CNPPD1: variants seen among roughly 807,000 people sequenced by gnomAD.
The protein encoded by CNPPD1 is protein CNPPD1.
Under a neutral mutation model 43.7 loss-of-function variants are expected in CNPPD1, and 40 were observed. The observed-to-expected ratio is 0.92, with a 90% CI of 0.71 to 1.19. The LOEUF (loss-of-function observed/expected upper bound fraction) is 1.19. CNPPD1 is among the 50% of genes most tolerant of loss of function. The pLI is 0.00. For missense variants in CNPPD1, 511 were observed against 518.5 expected, an observed-to-expected ratio of 0.99 and a Z score of 0.14; for synonymous variants, 208 against 214.3, an observed-to-expected ratio of 0.97 and a Z score of 0.26.
rs1950122704 is a variant in CNPPD1 at position 219,174,246 on chromosome 2, T to A, written c.511-39A>T. ...GAGTGGACATCAAACCAGACTTGGA[T>A]GAGCCACAGTCATTTAATAATAAGA... is the stretch of plus-strand genomic sequence containing the variant. On this transcript the variant is annotated intron_variant, in intron 5 of 7. Transcript: ENST00000360507. 6.3e-6 allele frequency: 10 copies of A among 1,593,226 alleles called. No individual in the cohort carries two copies. The African/African-American group carries it at 1.1e-4, about 17-fold the overall frequency.
intron 1 of CNPPD1, 79 bp from the exon 2 acceptor site, chr2:219,176,410 G>T: frequency 8.7e-7 from 1 of 1,145,902 alleles, no homozygotes. Context: ...CTGGAAGGCG[G>T]GGCAGGGGAC....
intron 5 of CNPPD1, 88 bp from the exon 6 acceptor site, chr2:219,174,295 C>T (rs1459765694): frequency 1.5e-6 from 2 of 1,307,716 alleles, no homozygotes; most frequent in East Asian, 4.6e-5. Context: ...CTACAACCGC[C>T]CCTATGGCTA....
rs200976887 is a variant in CNPPD1, at chr2:219,173,131, G to A, written c.691-3C>T. 7.0e-5 allele frequency: 110 copies of A among 1,565,918 alleles called. No individual in the cohort carries two copies. Among genetic ancestry groups the A allele is most frequent in the Middle Eastern group, 1.7e-4 (1 of 5,866 alleles). On this transcript the variant is annotated splice_region_variant and splice_polypyrimidine_tract_variant and intron_variant, in intron 7 of 7. Transcript: ENST00000360507. Reference sequence around the variant, plus strand: ...GCCACAGCTAACAGGCAAGACAGCTGCAGGAGAGGAGATAAGAAAGAAGGA... The same window carrying A: ...GCCACAGCTAACAGGCAAGACAGCTACAGGAGAGGAGATAAGAAAGAAGGA...
In CNPPD1 at chr2:219,174,969, T is replaced by G. The variant is rs1174690090; in HGVS notation, c.381+19A>C. On this transcript the variant is annotated intron_variant, in intron 4 of 7. Coordinates refer to ENST00000360507, the MANE Select transcript of CNPPD1 (RefSeq NM_015680.6). ...GCAGGCTCTTGGCTCTTTAGGGAGATGGGGAGGGGGTGTCTTACCATGGAG... is the reference window on the plus strand; with the variant it reads ...GCAGGCTCTTGGCTCTTTAGGGAGAGGGGGAGGGGGTGTCTTACCATGGAG... 1 of 1,613,530 alleles carries G rather than the reference T, an allele frequency of 6.2e-7. No homozygotes were observed. Among genetic ancestry groups the G allele is most frequent in the Non-Finnish European group, 8.5e-7 (1 of 1,179,952 alleles).
chr2:219,173,574 A>T, intron 6 of CNPPD1, 107 bp from the exon 7 acceptor site: 1 of 835,890 alleles, frequency 1.2e-6, no homozygotes, highest in East Asian at 2.6e-5. Context: ...AAGCCTGTTA[A>T]ACCCAGATTC....
upstream of CNPPD1, chr2:219,177,866 G>C (rs1319214553): frequency 6.6e-6 from 1 of 152,382 alleles, no homozygotes; most frequent in East Asian, 1.9e-4. Context: ...ACTGAGGGGA[G>C]GGAACTGGGA....
Position 219,173,076 on chromosome 2 carries a change from G to A in CNPPD1, c.743C>T (p.Ala248Val). 6.2e-7 allele frequency: 1 copy of A among 1,607,868 alleles called. No individual in the cohort carries two copies. The highest frequency in any genetic ancestry group is 8.5e-7 in the Non-Finnish European group (1 of 1,179,098). ...AGACTGATGTATTACGGCCACCGAT[G>A]CCACAGCCAGGGCCACACTGCTCAC... The part of the protein sequence containing the change: ...AYVSSVALAV[A>V]SVAVIHQSLG... The change falls in exon 8 of 8, where the codon GCA becomes GTA. Residue 248 changes from alanine to valine, a missense_variant. Physicochemically the swap from Ala to Val is moderately conservative, Grantham distance 64. Coordinates refer to ENST00000360507, the MANE Select transcript of CNPPD1 (RefSeq NM_015680.6).
rs762619476 is a variant in CNPPD1 at position 219,172,986 on chromosome 2, AGGAGGCAACG to A, written c.823_832del (p.Arg275TrpfsTer39). The A allele has an allele frequency of 6.2e-7, 1 of 1,613,992 alleles. No homozygotes were observed. The highest frequency in any genetic ancestry group is 1.1e-5 in the South Asian group (1 of 91,086). On this transcript the variant is annotated frameshift_variant, in exon 8 of 8. Transcript: ENST00000360507. LOFTEE classifies it high-confidence loss of function. ...TGGCACAGAAGGTATGCAGGGCTCC[AGGAGGCAACG>A]GGAGGTCAGTCCAAGGTCAGGCGGC...
rs1950158278 is a variant in CNPPD1 at position 219,176,286 on chromosome 2, G to C, written c.115C>G (p.Leu39Val). ...QKLSARIRRR[L>V]YYGWDWEADC... ...GCTTCCCAGTCCCAGCCATAGTAGA[G>C]CCTCCTTCGGATCCGGGCACTCAGC... Residue 39 changes from leucine (L) to valine (V), a missense_variant, in exon 2 of 8, where the codon CTC becomes GTC. Transcript: ENST00000360507. 2 of 1,614,196 alleles carry C rather than the reference G, an allele frequency of 1.2e-6. No homozygotes were observed. The highest frequency in any genetic ancestry group is 1.7e-6 in the Non-Finnish European group (2 of 1,180,022).
chr2:219,173,549 C>T lies in CNPPD1; in HGVS notation c.573-82G>A, dbSNP rs73074980. On this transcript the variant is annotated intron_variant, in intron 6 of 7. Transcript: ENST00000360507. ...GCACCCTCATACCACTCAGGACCCA[C>T]CAGGAAACACTGGGAAGCCTGTTAA... is the stretch of plus-strand genomic sequence containing the variant. The T allele has an allele frequency of 6.2e-4, 734 of 1,178,970 alleles. 4 individuals are homozygous for T. The African/African-American group carries it at 8.4e-3, about 13-fold the overall frequency. The allele number at this position is 1,178,970 out of a possible 1,614,324, so 73.0% of individuals were successfully genotyped here.
At chr2:219,178,129 G>A (rs886916357), upstream of CNPPD1, 1 of 274,778 alleles carries the variant, frequency 3.6e-6, no homozygotes, top group Non-Finnish European at 6.7e-6. Context: ...ACCTGTGTAG[G>A]CGCAGTGTCA....
upstream of CNPPD1, chr2:219,177,757 A>T (rs1230156402): frequency 6.6e-6 from 1 of 152,192 alleles, no homozygotes; most frequent in Non-Finnish European, 1.5e-5. Flanking sequence ...CGATATGTGG[A>T]AGTGGGAAAG....
In CNPPD1 at chr2:219,174,032, C is replaced by G; in HGVS notation, c.572+114G>C. The G allele has an allele frequency of 4.9e-6, 5 of 1,026,120 alleles. 1 individual carries two copies. The South Asian group carries it at 6.4e-5, about 13-fold the overall frequency. 63.6% of individuals were successfully genotyped at this position (1,026,120 alleles called of 1,614,324 possible). A position where few individuals can be genotyped will look rare whatever the true frequency, so the allele number is the denominator to read the frequency against. On this transcript the variant is annotated intron_variant, in intron 6 of 7. Transcript: ENST00000360507. ...TCTGGGAACCACTATCTGGGCAATTCTCTTTCTTGTCTCCTCCCTCCCCCA... is the reference window on the plus strand; with the variant it reads ...TCTGGGAACCACTATCTGGGCAATTGTCTTTCTTGTCTCCTCCCTCCCCCA...
In CNPPD1 at chr2:219,172,961, T is replaced by C; in HGVS notation, c.858A>G (p.Pro286=). ...CLLEPCIPSV[P]QCLPSLANVS... ...CATTAGCGAGAGACGGCAGGCATTGTGGCACAGAAGGTATGCAGGGCTCCA... is the reference window on the plus strand; with the variant it reads ...CATTAGCGAGAGACGGCAGGCATTGCGGCACAGAAGGTATGCAGGGCTCCA... Residue 286 remains proline, a synonymous_variant, in exon 8 of 8, where the codon CCA becomes CCG. Transcript: ENST00000360507. 2 of 1,613,902 alleles carry C rather than the reference T, an allele frequency of 1.2e-6. No individual in the cohort carries two copies. Among genetic ancestry groups the C allele is most frequent in the Non-Finnish European group, 1.7e-6 (2 of 1,179,950 alleles).
At position 219,174,912 on chromosome 2, in the gene CNPPD1, G is replaced by A; in HGVS notation, c.382-6C>T. 1.2e-6 allele frequency: 2 copies of A among 1,614,204 alleles called. No individual in the cohort carries two copies. The highest frequency in any genetic ancestry group is 1.7e-5 in the Admixed American group (1 of 60,024). Reference sequence around the variant, plus strand: ...AGGTACTTACTGGCCACCATCTGCAGAGGAACCAGAAGTGGTGGAGCAGAG... The same window carrying A: ...AGGTACTTACTGGCCACCATCTGCAAAGGAACCAGAAGTGGTGGAGCAGAG... On this transcript the variant is annotated splice_region_variant and splice_polypyrimidine_tract_variant and intron_variant, in intron 4 of 7. Transcript: ENST00000360507.
chr2:219,174,160 G>A lies in CNPPD1; in HGVS notation c.558C>T (p.Ser186=), dbSNP rs1186073425. The A allele has an allele frequency of 1.2e-6, 2 of 1,613,968 alleles. No homozygotes were observed. Among genetic ancestry groups the A allele is most frequent in the African/African-American group, 1.3e-5 (1 of 74,862 alleles). The change falls in exon 6 of 8, where the codon AGC becomes AGT. Residue 186 remains serine (S), a synonymous_variant. Transcript: ENST00000360507. ...TDPREIFEVL[S]WLESCVAEQQ... ...CTAGAACCTACCAGCTCTCCAACCAGCTCAGCACCTCAAAGATCTCCCGAG... is the reference window on the plus strand; with the variant it reads ...CTAGAACCTACCAGCTCTCCAACCAACTCAGCACCTCAAAGATCTCCCGAG...
rs1214007763 is a variant in CNPPD1, at chr2:219,173,336, G to A, written c.690+14C>T. On this transcript the variant is annotated intron_variant, in intron 7 of 7. Transcript: ENST00000360507. ...GCCTGCTCAAGCTCCCTATCCTTCC[G>A]AGCCCCTCCTCACCTTTACCAGCCG... is the stretch of plus-strand genomic sequence containing the variant. 11 of 1,607,870 alleles carry A rather than the reference G, an allele frequency of 6.8e-6. No individual in the cohort carries two copies. The highest frequency in any genetic ancestry group is 1.7e-5 in the Admixed American group (1 of 59,868).
chr2:219,176,130 T>C (rs188693392), intron 2 of CNPPD1, 93 bp downstream of exon 2: 2 of 884,466 alleles, frequency 2.3e-6, no homozygotes, highest in African/African-American at 1.6e-5. Flanking sequence ...GAAGAGACAG[T>C]GTAGCCACGG....
rs1950138256 is a variant in CNPPD1, at chr2:219,175,119, G to A, written c.261-11C>T. On this transcript the variant is annotated splice_polypyrimidine_tract_variant and intron_variant, in intron 3 of 7. Transcript: ENST00000360507. ...GAGATGCATGCCTCCCTGGGTGGTA[G>A]AAAGGATCACTAATTAAACCCAAGG... is the stretch of plus-strand genomic sequence containing the variant. 2.0e-5 allele frequency: 32 copies of A among 1,575,352 alleles called. No homozygotes were observed. Among genetic ancestry groups the A allele is most frequent in the Non-Finnish European group, 2.7e-5 (31 of 1,163,216 alleles).
Sources: gnomAD v4.1 joint callset for allele counts on GRCh38, gnomAD v4.1.1 for gene constraint, MANE v1.5 for transcripts, NCBI Gene and HGNC (gene_info 2026-07-23, HGNC 2026-07-21) for gene names.